Variants in RPSA observed in about 807,000 individuals in gnomAD.
The protein encoded by RPSA is ribosomal protein SA.
For synonymous variants in RPSA, 103 were observed against 126.7 expected (o/e 0.81, Z 1.25); for missense variants, 140 against 372.8 (o/e 0.38, Z 5.14).
At chr3:39,409,887 T>C (rs2041980342) in intron 3 of RPSA, among the ~76,000 whole-genome samples, 1 of 152,082 alleles carries the variant, frequency 6.6e-6, no homozygotes, top group African/African-American at 2.4e-5. Context: ...GGGTACTTTG[T>C]GAGGCTGAGG....
At chr3:39,408,330 A>C in intron 2 of RPSA, 2 of 610,084 alleles carry the variant, frequency 3.3e-6, no homozygotes, top group Non-Finnish European at 6.1e-6. Flanking sequence ...TTAAGAACCA[A>C]TGATGGAATA....
At chr3:39,411,343 C>A in intron 4 of RPSA, 1 of 574,498 alleles carries the variant, frequency 1.7e-6, no homozygotes. Flanking sequence ...ATGGGTTCTA[C>A]TATAAGATGC....
intron 4 of RPSA, 117 bp from the exon 5 acceptor site, chr3:39,411,532 C>A: frequency 1.9e-6 from 2 of 1,079,754 alleles, no homozygotes; most frequent in Non-Finnish European, 2.7e-6. Context: ...GTTACAATTG[C>A]TTTTCAACTA....
intron 3 of RPSA, among the ~76,000 whole-genome samples, chr3:39,409,506 G>C (rs2041974650): frequency 6.6e-6 from 1 of 152,200 alleles, no homozygotes; most frequent in Non-Finnish European, 1.5e-5. Flanking sequence ...CAGCCTGTAA[G>C]ACCTTTTCAA....
chr3:39,411,515 G>A (rs1166141448), intron 4 of RPSA, 134 bp from the exon 5 acceptor site: 2 of 882,308 alleles, frequency 2.3e-6, no homozygotes, highest in East Asian at 5.1e-5. Flanking sequence ...TATTTATAAT[G>A]CTCCCTGTTA....
At chr3:39,407,488 T>TACACTGTAAGC (rs1307729412) in intron 1 of RPSA, 133 bp from the exon 2 acceptor site, 3 of 745,852 alleles carry the variant, frequency 4.0e-6, no homozygotes, top group Non-Finnish European at 7.2e-6. Context: ...ATGGGTTAAC[T>TACACTGTAAGC]TTCTGTTTAC....
rs7635671 is a variant in RPSA at position 39,412,206 on chromosome 3, G to A, written c.794-68G>A. On this transcript the variant is annotated intron_variant, in intron 6 of 6. Coordinates refer to ENST00000301821, the MANE Select transcript of RPSA (RefSeq NM_002295.6). ...ACAGCATCTGATAGACTGCTGTTGG[G>A]AGTGGGGTAAGGAAAAATACTACAT... The A allele has an allele frequency of 5.8e-6, 8 of 1,368,282 alleles. No individual in the cohort carries two copies. In the East Asian group the frequency reaches 1.4e-4, roughly 23 times the overall value. 84.8% of individuals were successfully genotyped at this position (1,368,282 alleles called of 1,614,324 possible).
chr3:39,408,466 A>G (rs2041953775), intron 2 of RPSA, 140 bp from the exon 3 acceptor site: 2 of 778,094 alleles, frequency 2.6e-6, no homozygotes, highest in African/African-American at 1.7e-5. Context: ...TGCTATATCA[A>G]TGGCAGGATT....
At position 39,407,454 on chromosome 3, in the gene RPSA, G is replaced by A. The variant is rs1169183131; in HGVS notation, c.-33-167G>A. 3 of 657,056 alleles carry A rather than the reference G, an allele frequency of 4.6e-6. No homozygotes were observed. In the Admixed American group the frequency reaches 6.1e-5, roughly 13 times the overall value. The allele number at this position is 657,056 out of a possible 1,614,324, so 40.7% of individuals were successfully genotyped here. A position where few individuals can be genotyped will look rare whatever the true frequency, so the allele number is the denominator to read the frequency against. ...ACACTATTTCCTCAGTAAGATGTGC[G>A]CTGTTCCGTAATACACGACATGTAT... On this transcript the variant is annotated intron_variant, in intron 1 of 6. Coordinates refer to ENST00000301821, the MANE Select transcript of RPSA (RefSeq NM_002295.6).
intron 3 of RPSA, among the ~76,000 whole-genome samples, chr3:39,409,580 C>T (rs2041975787): frequency 6.6e-6 from 1 of 152,122 alleles, no homozygotes; most frequent in South Asian, 2.1e-4. Flanking sequence ...AGACTTGTGC[C>T]ACTAAATATC....
chr3:39,408,503 C>G (rs1559398817), intron 2 of RPSA, 103 bp from the exon 3 acceptor site: 2 of 801,756 alleles, frequency 2.5e-6, no homozygotes, highest in South Asian at 1.3e-5. Flanking sequence ...GAGCTTGCCT[C>G]TATGACTGGA....
rs2042013624 is a variant in RPSA at position 39,412,073 on chromosome 3, G to T, written c.793+12G>T. 6.2e-7 allele frequency: 1 copy of T among 1,610,148 alleles called. No homozygotes were observed. The highest frequency in any genetic ancestry group is 8.5e-7 in the Non-Finnish European group (1 of 1,178,548). ...GCAATTCCCTACTGGTATGTATCAG[G>T]ATAGAGGTGAATCAAGCTGATATTT... On this transcript the variant is annotated intron_variant, in intron 6 of 6. Coordinates refer to ENST00000301821, the MANE Select transcript of RPSA (RefSeq NM_002295.6).
chr3:39,411,368 G>A (rs1221913180), intron 4 of RPSA: 2 of 565,196 alleles, frequency 3.5e-6, no homozygotes, highest in African/African-American at 1.9e-5. Context: ...AAGGTGGGTT[G>A]TGTGTGGTTC....
Position 39,410,836 on chromosome 3 carries a change from T to C in RPSA, c.335T>C (p.Ile112Thr), listed in dbSNP as rs549281635. 1 of 1,606,704 alleles carries C rather than the reference T, an allele frequency of 6.2e-7. No homozygotes were observed. Among genetic ancestry groups the C allele is most frequent in the East Asian group, 2.2e-5 (1 of 44,882 alleles). The change falls in exon 4 of 7, where the codon ATC becomes ACC. Residue 112 changes from isoleucine (I) to threonine (T), a missense_variant. Coordinates refer to ENST00000301821, the MANE Select transcript of RPSA (RefSeq NM_002295.6). ...RFTPGTFTNQ[I>T]QAAFREPRLL... ...ACTCCTGGAACCTTCACTAACCAGA[T>C]CCAGGCAGCCTTCCGGGAGCCACGG...
At chr3:39,410,211 C>A in intron 3 of RPSA, 1 of 153,040 alleles carries the variant, frequency 6.5e-6, no homozygotes, top group Non-Finnish European at 1.5e-5. Context: ...TCTTTTTTGC[C>A]ACAGCTCTAT....
At chr3:39,410,025 A>G (rs7619128) in intron 3 of RPSA, among the ~76,000 whole-genome samples, 40,497 of 151,846 alleles carry the variant, frequency 0.27, 5,921 homozygotes, top group Non-Finnish European at 0.32. Context: ...AGCTGAGGCT[A>G]AGGTGGGAAG....
At position 39,407,799 on chromosome 3, in the gene RPSA, TTTAA is replaced by T; in HGVS notation, c.133+16_133+19del. On this transcript the variant is annotated intron_variant, in intron 2 of 6. Coordinates refer to ENST00000301821, the MANE Select transcript of RPSA (RefSeq NM_002295.6). Reference sequence around the variant, plus strand: ...AGGAAAAGTGATGGTTAGTCATTGCTTTAATTTTTTGTTACTCCAGCTGTAAGTA... The same window carrying T: ...AGGAAAAGTGATGGTTAGTCATTGCTTTTTTTGTTACTCCAGCTGTAAGTA... 1 of 1,596,776 alleles carries T rather than the reference TTTAA, an allele frequency of 6.3e-7. No individual in the cohort carries two copies. Among genetic ancestry groups the T allele is most frequent in the African/African-American group, 1.3e-5 (1 of 75,006 alleles).
At chr3:39,410,032 G>A (rs2041982367) in intron 3 of RPSA, among the ~76,000 whole-genome samples, 1 of 152,170 alleles carries the variant, frequency 6.6e-6, no homozygotes, top group Admixed American at 6.5e-5. Flanking sequence ...GCTAAGGTGG[G>A]AAGATTGCTA....
intron 2 of RPSA, chr3:39,408,283 A>G (rs1447596245): frequency 2.0e-6 from 1 of 495,412 alleles, no homozygotes. Context: ...GCAGATTATA[A>G]AAGGGAAAGA....
Sources: allele counts gnomAD v4.1 joint callset (sites outside exome capture counted in the v4.1 genomes callset), GRCh38; gene constraint gnomAD v4.1.1; transcripts MANE v1.5; gene names NCBI Gene and HGNC (gene_info 2026-07-23, HGNC 2026-07-21).